Variants in DNAH7 observed in about 807,000 individuals in gnomAD.
DNAH7 encodes the protein axonemal beta dynein heavy chain 7.
Under a neutral mutation model 444.6 loss-of-function variants are expected in DNAH7, and 397 were observed. The ratio of observed to expected loss-of-function variants is 0.89; its 90% CI spans 0.82 to 0.97. DNAH7 has a LOEUF of 0.97. Ranked by LOEUF, DNAH7 falls within the 50% of genes least tolerant of loss-of-function variation. The probability of loss-of-function intolerance (pLI) is 0.00; values close to 1 mark genes in which losing one functional copy is unlikely to be tolerated. For missense variants in DNAH7, 4,902 were observed against 4,800.8 expected, an observed-to-expected ratio of 1.02 and a Z score of -0.62; for synonymous variants, 1,636 against 1,624.4, an observed-to-expected ratio of 1.01 and a Z score of -0.17.
Position 195,857,595 on chromosome 2 carries a change from A to G in DNAH7, c.8196T>C (p.Ile2732=), listed in dbSNP as rs1210276811. The part of the protein sequence containing the change: ...IPDPTGSGKK[I]EDFWGPAKRL... Reference sequence around the variant, plus strand: ...TCTTAGCTGGGCCCCAGAAATCCTCAATTTTTTTCCCTGAACCTGTTGGGT... The same window carrying G: ...TCTTAGCTGGGCCCCAGAAATCCTCGATTTTTTTCCCTGAACCTGTTGGGT... The change falls in exon 44 of 65, where the codon ATT becomes ATC. Residue 2732 remains isoleucine (I), a synonymous_variant. Coordinates refer to ENST00000312428, the MANE Select transcript of DNAH7 (RefSeq NM_018897.3). The G allele has an allele frequency of 1.2e-6, 2 of 1,613,790 alleles. No homozygotes were observed. The highest frequency in any genetic ancestry group is 1.7e-6 in the Non-Finnish European group (2 of 1,179,948).
intron 47 of DNAH7, among the ~76,000 whole-genome samples, chr2:195,843,905 C>G (rs1473262562): frequency 6.6e-6 from 1 of 151,810 alleles, no homozygotes; most frequent in Non-Finnish European, 1.5e-5. Flanking sequence ...GACCATCCTG[C>G]CTAACACGGT....
intron 19 of DNAH7, among the ~76,000 whole-genome samples, chr2:195,952,927 C>A (rs1333431295): frequency 6.6e-6 from 1 of 152,184 alleles, no homozygotes; most frequent in Admixed American, 6.5e-5. Flanking sequence ...CTGAAGCCTA[C>A]TTCTGTCAAT....
At chr2:195,954,298 A>T (rs984683222) in intron 19 of DNAH7, among the ~76,000 whole-genome samples, 2 of 152,038 alleles carry the variant, frequency 1.3e-5, no homozygotes, top group African/African-American at 4.8e-5. Flanking sequence ...TGTCCTTGCA[A>T]TAGTTTGCTG....
chr2:195,927,769 CAT>C (rs1047440561), intron 21 of DNAH7, among the ~76,000 whole-genome samples: 17 of 151,488 alleles, frequency 1.1e-4, no homozygotes, highest in African/African-American at 3.1e-4. Flanking sequence ...TATAGAATAA[CAT>C]ATATATGTAG....
chr2:195,900,975 AAAGAG>A (rs1686668077), intron 27 of DNAH7: 1 of 152,650 alleles, frequency 6.6e-6, no homozygotes, highest in South Asian at 2.1e-4. Context: ...ATATATAAAT[AAAGAG>A]GTTAGGGAAT....
chr2:195,873,911 C>A (rs771628105), intron 38 of DNAH7, among the ~76,000 whole-genome samples: 1 of 152,074 alleles, frequency 6.6e-6, no homozygotes, highest in Non-Finnish European at 1.5e-5. Flanking sequence ...ATGAGTTAAA[C>A]TAATTAGACA....
intron 46 of DNAH7, among the ~76,000 whole-genome samples, chr2:195,848,821 A>G (rs979767807): frequency 6.6e-6 from 1 of 152,242 alleles, no homozygotes; most frequent in Admixed American, 6.5e-5. Flanking sequence ...GAAGCTATCT[A>G]TTGTAACCCG....
chr2:195,880,410 G>C (rs965538548), intron 36 of DNAH7, among the ~76,000 whole-genome samples: 2 of 145,692 alleles, frequency 1.4e-5, no homozygotes, highest in African/African-American at 5.1e-5. Flanking sequence ...CTCACTGCAA[G>C]CTCCACCTCC....
intron 10 of DNAH7, among the ~76,000 whole-genome samples, chr2:196,002,163 C>T (rs1032403330): frequency 5.9e-5 from 9 of 152,132 alleles, no homozygotes; most frequent in African/African-American, 2.2e-4. Flanking sequence ...CTGGATATTA[C>T]AAAATACTCC....
At chr2:196,000,680 A>C (rs2125684393) in intron 12 of DNAH7, 24 bp downstream of exon 12, 2 of 1,456,216 alleles carry the variant, frequency 1.4e-6, no homozygotes, top group South Asian at 3.2e-5. Flanking sequence ...AAATTCAAGC[A>C]ATCTTAATAT....
At chr2:195,855,742 C>T (rs16841010) in intron 45 of DNAH7, 69 bp downstream of exon 45, 55,400 of 1,545,822 alleles carry the variant, frequency 0.036, 1,108 homozygotes, top group Middle Eastern at 0.048. Context: ...GTGTTATGTG[C>T]TAGTACGAAC....
chr2:195,932,728 T>C (rs1455980019), intron 21 of DNAH7, among the ~76,000 whole-genome samples: 1 of 152,194 alleles, frequency 6.6e-6, no homozygotes, highest in Non-Finnish European at 1.5e-5. Context: ...CATTTATTTA[T>C]TTGTGTGTGT....
intron 58 of DNAH7, 99 bp downstream of exon 58, chr2:195,786,911 A>T: frequency 8.0e-7 from 1 of 1,249,616 alleles, no homozygotes; most frequent in Admixed American, 2.6e-5. Flanking sequence ...TTCATTTCAT[A>T]AGAGTAGAAA....
intron 47 of DNAH7, among the ~76,000 whole-genome samples, chr2:195,840,313 A>G (rs1327429785): frequency 6.6e-6 from 1 of 151,748 alleles, no homozygotes; most frequent in African/African-American, 2.4e-5. Context: ...ACATCCATTA[A>G]TGTTAAAAAC....
At chr2:195,811,275 G>A (rs1159768215) in intron 51 of DNAH7, among the ~76,000 whole-genome samples, 1 of 152,136 alleles carries the variant, frequency 6.6e-6, no homozygotes, top group East Asian at 1.9e-4. Flanking sequence ...TTCAGCCTAA[G>A]AAAATAATCA....
intron 47 of DNAH7, among the ~76,000 whole-genome samples, chr2:195,837,153 T>C (rs928827949): frequency 1.2e-4 from 18 of 152,338 alleles, no homozygotes; most frequent in Middle Eastern, 3.4e-3. Context: ...ATTCTTTTTT[T>C]CCTAGATCAA....
At chr2:195,949,092 T>G (rs1690033525) in intron 19 of DNAH7, among the ~76,000 whole-genome samples, 1 of 152,190 alleles carries the variant, frequency 6.6e-6, no homozygotes, top group Non-Finnish European at 1.5e-5. Context: ...TGGCTGTTTG[T>G]CTATTATTGG....
chr2:195,984,441 G>A (rs542263697), intron 15 of DNAH7, among the ~76,000 whole-genome samples, 191 bp downstream of exon 15: 178 of 152,058 alleles, frequency 1.2e-3, no homozygotes, highest in Non-Finnish European at 1.9e-3. Flanking sequence ...TCTGCCTCCC[G>A]GGTTCAACCG....
At chr2:195,932,217 CTCTG>C (rs1688747942) in intron 21 of DNAH7, among the ~76,000 whole-genome samples, 3 of 152,178 alleles carry the variant, frequency 2.0e-5, no homozygotes, top group South Asian at 2.1e-4. Context: ...TGATTTGGCT[CTCTG>C]TCTGTTGTTG....
Sources: allele counts gnomAD v4.1 joint callset (sites outside exome capture counted in the v4.1 genomes callset), GRCh38; gene constraint gnomAD v4.1.1; transcripts MANE v1.5; gene names NCBI Gene and HGNC (gene_info 2026-07-23, HGNC 2026-07-21).